PRTG: variants seen among roughly 807,000 people sequenced by gnomAD.
PRTG encodes the protein immunoglobulin superfamily, DCC subclass, member 5.
A neutral mutation model predicts 122.5 loss-of-function variants in PRTG; 67 were observed. The observed-to-expected ratio is 0.55, with a 90% CI of 0.45 to 0.67. The LOEUF (loss-of-function observed/expected upper bound fraction) is 0.67. Ranked by LOEUF, PRTG falls within the 30% of genes least tolerant of loss-of-function variation. PRTG has a pLI of 0.00. For missense variants in PRTG, 1,435 were observed against 1,415.4 expected (o/e 1.01, Z -0.22); for synonymous variants, 554 against 501.1 (o/e 1.11, Z -1.41).
At chr15:55,680,002 G>C in intron 6 of PRTG, 52 bp downstream of exon 6, 1 of 1,456,820 alleles carries the variant, frequency 6.9e-7, no homozygotes, top group Non-Finnish European at 9.5e-7. Flanking sequence ...GAGATAAAAC[G>C]GCAAATGTTA....
rs903222823 is a variant in PRTG, at chr15:55,614,121, A to T, written c.*5891T>A. On this transcript the variant is annotated 3_prime_UTR_variant, in exon 20 of 20. Coordinates refer to ENST00000389286, the MANE Select transcript of PRTG (RefSeq NM_173814.6). ...GACAGCTTTATCGATTTAGTTGAAG[A>T]AATGCTGAAAATTGGGGTGGAATTA... 9 of 152,082 alleles carry T rather than the reference A, an allele frequency of 5.9e-5. No individual in the cohort carries two copies. The highest frequency in any genetic ancestry group is 2.2e-4 in the African/African-American group (9 of 41,430). 9.4% of individuals were successfully genotyped at this position (152,082 alleles called of 1,614,324 possible). A position where few individuals can be genotyped will look rare whatever the true frequency, so the allele number is the denominator to read the frequency against.
At chr15:55,626,445 A>G (rs1010814044) in intron 17 of PRTG, among the ~76,000 whole-genome samples, 6 of 150,022 alleles carry the variant, frequency 4.0e-5, no homozygotes, top group African/African-American at 1.5e-4. Flanking sequence ...TCATTTAAGA[A>G]TATTGGCATT....
intron 2 of PRTG, chr15:55,738,094 T>TATATATATATATATATATATATATATATA (rs1555438628): frequency 9.5e-5 from 4 of 42,048 alleles, no homozygotes; most frequent in Non-Finnish European, 2.1e-4. Flanking sequence ...ATATATATAT[T>TATATATATATATATATATATATATATATA]TACTCTGAAC....
At chr15:55,726,170 T>C (rs998499585) in intron 2 of PRTG, among the ~76,000 whole-genome samples, 1 of 152,160 alleles carries the variant, frequency 6.6e-6, no homozygotes, top group Non-Finnish European at 1.5e-5. Context: ...GTCAATCTTT[T>C]GACCTCGTAA....
intron 2 of PRTG, among the ~76,000 whole-genome samples, chr15:55,736,773 A>C (rs1292756982): frequency 6.6e-6 from 1 of 152,216 alleles, no homozygotes; most frequent in Non-Finnish European, 1.5e-5. Context: ...AGTCCTGGAA[A>C]ATCAAAGAAA....
chr15:55,679,386 G>T lies in PRTG; in HGVS notation c.1033C>A (p.Arg345=). ...ATTCCTTCTGCCTGACACACAAATC[G>T]AGCAGTGCCAGCTCGAGGCCTTGTT... ...SLTRPRAGTA[R]FVCQAEGIPS... Residue 345 remains arginine, a synonymous_variant, in exon 7 of 20, where the codon CGA becomes AGA. Coordinates refer to ENST00000389286, the MANE Select transcript of PRTG (RefSeq NM_173814.6). 1 of 1,613,254 alleles carries T rather than the reference G, an allele frequency of 6.2e-7. No individual in the cohort carries two copies. Among genetic ancestry groups the T allele is most frequent in the South Asian group, 1.1e-5 (1 of 91,016 alleles).
rs376933626 is a variant in PRTG at position 55,737,976 on chromosome 15, T to TTCTCTC, written c.397+2400_397+2405dup. 1.0e-2 allele frequency among the ~76,000 whole-genome samples: 914 copies of TTCTCTC among 91,492 alleles called. 9 individuals are homozygous for TTCTCTC. Among genetic ancestry groups the TTCTCTC allele is most frequent in the Middle Eastern group, 0.031 (6 of 196 alleles). 60.0% of individuals were successfully genotyped at this position (91,492 alleles called of 152,430 possible). On this transcript the variant is annotated intron_variant, in intron 2 of 19. Coordinates refer to ENST00000389286, the MANE Select transcript of PRTG (RefSeq NM_173814.6). ...AACCAGAATGTCCACTTAATGCCTA[T>TTCTCTC]TCTCTCTCTCTCTCTCTCTCTCTCT...
At chr15:55,670,296 G>T (rs749729403) in intron 11 of PRTG, among the ~76,000 whole-genome samples, 4 of 152,040 alleles carry the variant, frequency 2.6e-5, no homozygotes, top group Non-Finnish European at 4.4e-5. Flanking sequence ...TCCCTGTGAT[G>T]TATAAGAGCA....
chr15:55,738,655 C>G (rs2031511124), intron 2 of PRTG: 1 of 494,906 alleles, frequency 2.0e-6, no homozygotes, highest in South Asian at 3.7e-5. Context: ...ATCTTTAAAA[C>G]AGTACTATAC....
At chr15:55,708,186 G>C (rs1346201734) in intron 2 of PRTG, among the ~76,000 whole-genome samples, 1 of 126,170 alleles carries the variant, frequency 7.9e-6, no homozygotes, top group Non-Finnish European at 1.7e-5. Context: ...AACAGAGGCA[G>C]AAGAGTTAGT....
intron 11 of PRTG, among the ~76,000 whole-genome samples, chr15:55,671,600 G>A (rs2059472106): frequency 1.3e-5 from 2 of 152,158 alleles, no homozygotes; most frequent in South Asian, 4.2e-4. Context: ...CCAGGGTGAA[G>A]CTATTTTCCT....
chr15:55,739,602 A>G (rs1404406854), intron 2 of PRTG, among the ~76,000 whole-genome samples: 1 of 152,222 alleles, frequency 6.6e-6, no homozygotes, highest in Non-Finnish European at 1.5e-5. Flanking sequence ...CCTGAAAAAG[A>G]TGTAAAGCCT....
chr15:55,644,791 G>C (rs1278622326), intron 11 of PRTG, among the ~76,000 whole-genome samples: 1 of 151,958 alleles, frequency 6.6e-6, no homozygotes, highest in African/African-American at 2.4e-5. Flanking sequence ...CACACTCCCA[G>C]AATAAATTCT....
intron 11 of PRTG, among the ~76,000 whole-genome samples, chr15:55,670,978 G>T (rs954421273): frequency 6.6e-6 from 1 of 151,050 alleles, no homozygotes; most frequent in Non-Finnish European, 1.5e-5. Context: ...ACAAAGAAGA[G>T]AAAAGAAAAA....
chr15:55,620,524 C>T, intron 19 of PRTG, 139 bp downstream of exon 19: 4 of 1,335,778 alleles, frequency 3.0e-6, no homozygotes, highest in Non-Finnish European at 4.0e-6. Flanking sequence ...TCCACAGAGC[C>T]ATGCCCCAAA....
At position 55,629,054 on chromosome 15, in the gene PRTG, T is replaced by C. The variant is rs932316336; in HGVS notation, c.2624-50A>G. ...AAGTGAACATTTATCTTTTATTCTT[T>C]CACTCATATTATACAAACACGTTCC... On this transcript the variant is annotated intron_variant, in intron 15 of 19. Coordinates refer to ENST00000389286, the MANE Select transcript of PRTG (RefSeq NM_173814.6). 8.4e-6 allele frequency: 11 copies of C among 1,304,340 alleles called. No individual in the cohort carries two copies. In the Admixed American group the frequency reaches 1.0e-4, roughly 12 times the overall value. 80.8% of individuals were successfully genotyped at this position (1,304,340 alleles called of 1,614,324 possible).
At chr15:55,690,155 T>C (rs1446885866) in intron 2 of PRTG, among the ~76,000 whole-genome samples, 1 of 152,228 alleles carries the variant, frequency 6.6e-6, no homozygotes, top group Non-Finnish European at 1.5e-5. Flanking sequence ...TAGTTTGTGG[T>C]TAACCATGCT....
chr15:55,650,975 G>A (rs970409667), intron 11 of PRTG, among the ~76,000 whole-genome samples: 1 of 151,974 alleles, frequency 6.6e-6, no homozygotes, highest in Non-Finnish European at 1.5e-5. Context: ...TCAAAAAAAA[G>A]AAAGGAAAAG....
intron 11 of PRTG, among the ~76,000 whole-genome samples, chr15:55,672,233 C>T (rs1410472982): frequency 6.6e-6 from 1 of 152,166 alleles, no homozygotes; most frequent in Non-Finnish European, 1.5e-5. Flanking sequence ...TAGAAAGATA[C>T]AATGGCTGCC....
Sources: allele counts gnomAD v4.1 joint callset (sites outside exome capture counted in the v4.1 genomes callset), GRCh38; gene constraint gnomAD v4.1.1; transcripts MANE v1.5; gene names NCBI Gene and HGNC (gene_info 2026-07-23, HGNC 2026-07-21).